RAD54L: variants seen among roughly 807,000 people sequenced by gnomAD.
RAD54L encodes the protein DNA repair and recombination protein RAD54-like.
RAD54L carries 74 observed loss-of-function variants against 91.6 expected under a neutral mutation model. The observed-to-expected ratio is 0.81, with a 90% CI of 0.67 to 0.98. The LOEUF is 0.98. Among genes scored for constraint, RAD54L ranks in the 50% least tolerant of loss-of-function variants. RAD54L has a pLI of 0.00. For missense variants in RAD54L, 887 were observed against 945.7 expected (o/e 0.94, Z 0.81); for synonymous variants, 304 against 349.7 (o/e 0.87, Z 1.46).
chr1:46,250,226 GAC>G, intron 3 of RAD54L, 107 bp downstream of exon 3: 2 of 1,480,444 alleles, frequency 1.4e-6, no homozygotes, highest in Non-Finnish European at 1.9e-6. Flanking sequence ...GTGGCCAGAA[GAC>G]ACACATCTGT....
Position 46,278,348 on chromosome 1 carries a change from A to G in RAD54L, c.*66A>G, listed in dbSNP as rs945923321. ...AGGGAAAAGGGGCTCCTTGCTCCACAGGGCCCTGTTGAATTTTGTTCTCTG... is the reference window on the plus strand; with the variant it reads ...AGGGAAAAGGGGCTCCTTGCTCCACGGGGCCCTGTTGAATTTTGTTCTCTG... On this transcript the variant is annotated 3_prime_UTR_variant, in exon 18 of 18. Coordinates refer to ENST00000371975, the MANE Select transcript of RAD54L (RefSeq NM_003579.4). 27 of 1,490,332 alleles carry G rather than the reference A, an allele frequency of 1.8e-5. No individual in the cohort carries two copies. The highest frequency in any genetic ancestry group is 2.4e-5 in the East Asian group (1 of 41,168). 92.3% of individuals were successfully genotyped at this position (1,490,332 alleles called of 1,614,324 possible).
rs1254665352 is a variant in RAD54L, at chr1:46,263,765, C to T, written c.891+2380C>T. ...GGAAGGCAGGCTGTAGCTGTTGAGC[C>T]TTTGAGGATTAGGGAGCATCTAAAT... On this transcript the variant is annotated intron_variant, in intron 8 of 17. Transcript: ENST00000371975. This position sits in a 1 kb window ranked among gnomAD's most constrained non-coding sequence, Gnocchi z 4.3. Among the ~76,000 whole-genome samples the T allele has an allele frequency of 6.6e-6, 1 of 151,994 alleles. No homozygotes were observed. Among genetic ancestry groups the T allele is most frequent in the Non-Finnish European group, 1.5e-5 (1 of 67,996 alleles).
rs1255018338 is a variant in RAD54L, at chr1:46,263,645, G to T, written c.891+2260G>T. Among the ~76,000 whole-genome samples, 6 of 152,122 alleles carry T rather than the reference G, an allele frequency of 3.9e-5. No individual in the cohort carries two copies. The highest frequency in any genetic ancestry group is 5.9e-5 in the Non-Finnish European group (4 of 68,024). ...AACTTACCAGGTTGAGGTGAGGTAT[G>T]CATGTTACTGCCCTGTGGTTCAAGG... On this transcript the variant is annotated intron_variant, in intron 8 of 17. Coordinates refer to ENST00000371975, the MANE Select transcript of RAD54L (RefSeq NM_003579.4). This position sits in a 1 kb window ranked among gnomAD's most constrained non-coding sequence, Gnocchi z 4.3.
At chr1:46,266,424 C>T (rs914584792) in intron 8 of RAD54L, among the ~76,000 whole-genome samples, 11 of 152,236 alleles carry the variant, frequency 7.2e-5, no homozygotes, top group Non-Finnish European at 1.6e-4. Flanking sequence ...TGTGTGCCTT[C>T]CCCAGTATGG....
chr1:46,258,628 A>T, intron 3 of RAD54L, 58 bp from the exon 4 acceptor site: 1 of 1,261,232 alleles, frequency 7.9e-7, no homozygotes, highest in Non-Finnish European at 1.2e-6. Flanking sequence ...GCATATCATG[A>T]TATTGTCCCA....
intron 3 of RAD54L, among the ~76,000 whole-genome samples, chr1:46,255,852 C>G (rs1215237888): frequency 1.3e-5 from 2 of 152,098 alleles, no homozygotes; most frequent in Admixed American, 1.3e-4. Flanking sequence ...GGGGTCTCCA[C>G]ATTCTTCCTT....
chr1:46,262,239 TCTA>T, intron 8 of RAD54L, among the ~76,000 whole-genome samples: 1 of 151,372 alleles, frequency 6.6e-6, no homozygotes, highest in Admixed American at 6.6e-5. Flanking sequence ...AAACCGTGTC[TCTA>T]CTAAAACTAC....
chr1:46,273,225 G>A, intron 12 of RAD54L, 130 bp from the exon 13 acceptor site: 8 of 825,814 alleles, frequency 9.7e-6, no homozygotes, highest in Non-Finnish European at 1.7e-5. Flanking sequence ...GAATTTGGTA[G>A]GATGAAGATC....
In RAD54L at chr1:46,272,807, G is replaced by T; in HGVS notation, c.1375+5G>T. 6.2e-7 allele frequency: 1 copy of T among 1,614,134 alleles called. No homozygotes were observed. The highest frequency in any genetic ancestry group is 8.5e-7 in the Non-Finnish European group (1 of 1,180,034). ...CGCTAAAGAAGCTTTGTAATCGTGAGTTGGGCTTGTGTCCTGGTGTCCTCT... is the reference window on the plus strand; with the variant it reads ...CGCTAAAGAAGCTTTGTAATCGTGATTTGGGCTTGTGTCCTGGTGTCCTCT... On this transcript the variant is annotated splice_donor_5th_base_variant and intron_variant, in intron 12 of 17. Coordinates refer to ENST00000371975, the MANE Select transcript of RAD54L (RefSeq NM_003579.4).
intron 6 of RAD54L, 41 bp downstream of exon 6, chr1:46,260,652 G>C (rs764908080): frequency 6.2e-7 from 1 of 1,613,746 alleles, no homozygotes; most frequent in Non-Finnish European, 8.5e-7. Context: ...GCTATGGGCT[G>C]AGCCTGGGAG....
chr1:46,261,002 A>G lies in RAD54L; in HGVS notation c.753A>G (p.Ile251Met). ...TCGATGGAGGATCTAAGGATGAAAT[A>G]GACCAAAAGCTGGGTACGGAGCCCT... ...LAIDGGSKDEIDQKLEGFMNQ... is the reference protein window; with the variant it reads ...LAIDGGSKDEMDQKLEGFMNQ... Residue 251 changes from isoleucine to methionine, a missense_variant, in exon 7 of 18, where the codon ATA becomes ATG. By Grantham distance (10) the Ile-to-Met change is conservative. Coordinates refer to ENST00000371975, the MANE Select transcript of RAD54L (RefSeq NM_003579.4). 1 of 1,613,690 alleles carries G rather than the reference A, an allele frequency of 6.2e-7. No individual in the cohort carries two copies. The highest frequency in any genetic ancestry group is 8.5e-7 in the Non-Finnish European group (1 of 1,179,976).
intron 2 of RAD54L, among the ~76,000 whole-genome samples, chr1:46,248,817 G>C (rs905401843): frequency 1.3e-5 from 2 of 152,148 alleles, no homozygotes; most frequent in African/African-American, 4.8e-5. Context: ...CAGTTTTCCT[G>C]GTGGGAAAAG....
intron 8 of RAD54L, among the ~76,000 whole-genome samples, chr1:46,266,667 G>T (rs1457099253): frequency 1.3e-5 from 2 of 152,164 alleles, no homozygotes; most frequent in Non-Finnish European, 2.9e-5. Flanking sequence ...CATGGAGCCT[G>T]GTCCAAGTCC....
In RAD54L at chr1:46,265,174, A is replaced by AT. The variant is rs35831141; in HGVS notation, c.892-2275dup. ...GGGCTAGTACTTGGAGCCTCTAATA[A>AT]TTTTTTTTTTCTTAATTAAATTTCT... On this transcript the variant is annotated intron_variant, in intron 8 of 17. Coordinates refer to ENST00000371975, the MANE Select transcript of RAD54L (RefSeq NM_003579.4). This position sits in a 1 kb window ranked among gnomAD's most constrained non-coding sequence, Gnocchi z 4.8. Among the ~76,000 whole-genome samples the AT allele has an allele frequency of 0.14, 20,889 of 151,446 alleles. 1,677 individuals carry two copies. Among genetic ancestry groups the AT allele is most frequent in the Admixed American group, 0.23 (3,490 of 15,204 alleles).
chr1:46,258,790 G>A lies in RAD54L; in HGVS notation c.271+44G>A, dbSNP rs72899081. Reference sequence around the variant, plus strand: ...TGTTTTTGAAATCAGTCATATGTACGTGTGCCTGAATAAATTAAAAACCTG... The same window carrying A: ...TGTTTTTGAAATCAGTCATATGTACATGTGCCTGAATAAATTAAAAACCTG... On this transcript the variant is annotated intron_variant, in intron 4 of 17. Transcript: ENST00000371975. 644 of 1,402,924 alleles carry A rather than the reference G, an allele frequency of 4.6e-4. 4 individuals are homozygous for A. The African/African-American group carries it at 7.5e-3, about 16-fold the overall frequency. 86.9% of individuals were successfully genotyped at this position (1,402,924 alleles called of 1,614,324 possible).
At position 46,267,521 on chromosome 1, in the gene RAD54L, C is replaced by G. The variant is rs760314792; in HGVS notation, c.954C>G (p.Ser318Arg). 30 of 1,614,076 alleles carry G rather than the reference C, an allele frequency of 1.9e-5. No homozygotes were observed. The highest frequency in any genetic ancestry group is 2.5e-5 in the Non-Finnish European group (30 of 1,180,000). ...TYQALDSLNTSRRVLISGTPI... is the reference protein window; with the variant it reads ...TYQALDSLNTRRRVLISGTPI... ...AAGCCCTGGACAGCTTGAACACCAG[C>G]CGGCGGGTGCTCATCTCCGGAACTC... Residue 318 changes from serine (S) to arginine (R), a missense_variant, in exon 9 of 18, where the codon AGC becomes AGG. Ser to Arg is a moderately radical substitution (Grantham distance 110). Transcript: ENST00000371975.
rs762791676 is a variant in RAD54L at position 46,274,627 on chromosome 1, T to G, written c.1779T>G (p.Pro593=). ...IGANRLVMFD[P]DWNPANDEQA... Reference sequence around the variant, plus strand: ...CTAACCGGCTGGTCATGTTTGACCCTGACTGGAACCCAGCCAATGATGAAC... The same window carrying G: ...CTAACCGGCTGGTCATGTTTGACCCGGACTGGAACCCAGCCAATGATGAAC... The change falls in exon 16 of 18, where the codon CCT becomes CCG. Residue 593 remains proline, a synonymous_variant. Transcript: ENST00000371975. 1 of 1,614,088 alleles carries G rather than the reference T, an allele frequency of 6.2e-7. No homozygotes were observed. The highest frequency in any genetic ancestry group is 1.1e-5 in the South Asian group (1 of 91,072).
rs557031850 is a variant in RAD54L at position 46,263,835 on chromosome 1, G to A, written c.891+2450G>A. Among the ~76,000 whole-genome samples, 3 of 152,126 alleles carry A rather than the reference G, an allele frequency of 2.0e-5. No individual in the cohort carries two copies. Among genetic ancestry groups the A allele is most frequent in the African/African-American group, 7.2e-5 (3 of 41,502 alleles). Reference sequence around the variant, plus strand: ...TTTTTTGAGACAAGGGTCTTGTTCTGTTGTCCAGATGGAGTGCAGTGACGT... The same window carrying A: ...TTTTTTGAGACAAGGGTCTTGTTCTATTGTCCAGATGGAGTGCAGTGACGT... On this transcript the variant is annotated intron_variant, in intron 8 of 17. Transcript: ENST00000371975. The surrounding 1 kb of genome is among the most constrained non-coding windows in gnomAD (Gnocchi z 4.3).
intron 16 of RAD54L, 144 bp from the exon 17 acceptor site, chr1:46,277,673 G>T: frequency 1.1e-6 from 1 of 929,550 alleles, no homozygotes; most frequent in South Asian, 1.5e-5. Flanking sequence ...CAGCTGAGTA[G>T]AGATAATGTT....
Sources: allele counts gnomAD v4.1 joint callset (sites outside exome capture counted in the v4.1 genomes callset), GRCh38; gene constraint gnomAD v4.1.1; non-coding constraint Gnocchi (gnomAD v3.1); transcripts MANE v1.5; gene names NCBI Gene and HGNC (gene_info 2026-07-23, HGNC 2026-07-21).